Variants in RFTN1 observed in about 807,000 individuals in gnomAD.
RFTN1 encodes the protein raftlin.
RFTN1 carries 26 observed loss-of-function variants against 46.5 expected under a neutral mutation model. That is an observed-to-expected ratio of 0.56 (90% confidence interval 0.41 to 0.78). The LOEUF (loss-of-function observed/expected upper bound fraction) is 0.78. Among genes scored for constraint, RFTN1 ranks in the 30% least tolerant of loss-of-function variants. RFTN1 has a pLI of 0.00. For missense variants in RFTN1, 693 were observed against 718.7 expected (o/e 0.96, Z 0.41); for synonymous variants, 261 against 284.2 (o/e 0.92, Z 0.82).
chr3:16,389,588 T>G (rs2074299032), intron 4 of RFTN1, among the ~76,000 whole-genome samples: 1 of 152,216 alleles, frequency 6.6e-6, no homozygotes, highest in South Asian at 2.1e-4. Context: ...TTATATTCAA[T>G]ACTGAATTTA....
intron 4 of RFTN1, among the ~76,000 whole-genome samples, chr3:16,409,145 G>A (rs984400986): frequency 6.6e-6 from 1 of 152,234 alleles, no homozygotes; most frequent in African/African-American, 2.4e-5. Context: ...CACTCCAGCT[G>A]GAAAAGACAG....
chr3:16,408,103 T>C (rs2074902682), intron 4 of RFTN1, among the ~76,000 whole-genome samples: 1 of 152,236 alleles, frequency 6.6e-6, no homozygotes, highest in African/African-American at 2.4e-5. Context: ...CTCTGGCCCC[T>C]TCTCCCGACC....
intron 7 of RFTN1, among the ~76,000 whole-genome samples, chr3:16,343,371 AAC>A (rs2071434953): frequency 2.0e-5 from 3 of 152,280 alleles, no homozygotes; most frequent in Admixed American, 2.0e-4. Flanking sequence ...AATCAACAAA[AAC>A]AGTCTACTTC....
chr3:16,379,730 A>C (rs143157998), intron 4 of RFTN1, among the ~76,000 whole-genome samples: 53 of 152,346 alleles, frequency 3.5e-4, no homozygotes, highest in Middle Eastern at 3.4e-3. Context: ...AAAATCTTAA[A>C]GCCATCTATT....
At chr3:16,386,752 G>C (rs1326946926) in intron 4 of RFTN1, among the ~76,000 whole-genome samples, 1 of 149,714 alleles carries the variant, frequency 6.7e-6, no homozygotes, top group East Asian at 2.0e-4. Flanking sequence ...GGTATGGATC[G>C]AGGTGGGGGT....
At chr3:16,455,867 A>G (rs1175725597) in intron 2 of RFTN1, among the ~76,000 whole-genome samples, 1 of 152,244 alleles carries the variant, frequency 6.6e-6, no homozygotes, top group Non-Finnish European at 1.5e-5. Flanking sequence ...CTGTGAGAAC[A>G]TGATGCCAAG....
In RFTN1 at chr3:16,448,595, A is replaced by G. The variant is rs1348350347; in HGVS notation, c.146-14558T>C. On this transcript the variant is annotated intron_variant, in intron 2 of 9. Coordinates refer to ENST00000334133, the MANE Select transcript of RFTN1 (RefSeq NM_015150.2). The surrounding 1 kb of genome is among the most constrained non-coding windows in gnomAD (Gnocchi z 4.1). ...AACTGTCGCTATTCCAAATTGGAGG[A>G]AAAAAAGTACAACTTTTTACTGCCT... 1.3e-5 allele frequency among the ~76,000 whole-genome samples: 2 copies of G among 152,188 alleles called. No homozygotes were observed. The highest frequency in any genetic ancestry group is 4.8e-5 in the African/African-American group (2 of 41,432).
chr3:16,478,576 G>A (rs1266298570), intron 2 of RFTN1, among the ~76,000 whole-genome samples: 1 of 152,172 alleles, frequency 6.6e-6, no homozygotes, highest in Non-Finnish European at 1.5e-5. Context: ...TTTTCTCACA[G>A]TTTCTGTGAG....
chr3:16,461,985 A>G (rs2076014967), intron 2 of RFTN1, among the ~76,000 whole-genome samples: 1 of 152,246 alleles, frequency 6.6e-6, no homozygotes, highest in Non-Finnish European at 1.5e-5. Flanking sequence ...AGAGCTAGGA[A>G]GTACCATCCA....
intron 2 of RFTN1, among the ~76,000 whole-genome samples, chr3:16,444,955 T>C (rs760749341): frequency 2.0e-5 from 3 of 152,244 alleles, no homozygotes; most frequent in Non-Finnish European, 2.9e-5. Flanking sequence ...AGAAATGTTT[T>C]GGTCTTTATC....
intron 2 of RFTN1, among the ~76,000 whole-genome samples, chr3:16,454,394 A>T (rs2075870129): frequency 6.6e-6 from 1 of 152,130 alleles, no homozygotes; most frequent in Non-Finnish European, 1.5e-5. Flanking sequence ...TACATTAGGA[A>T]TGCAGGTCCC....
At chr3:16,405,623 A>G (rs1254121298) in intron 4 of RFTN1, among the ~76,000 whole-genome samples, 2 of 152,178 alleles carry the variant, frequency 1.3e-5, no homozygotes, top group African/African-American at 4.8e-5. Flanking sequence ...ACTTTTCCTA[A>G]TTGTGAGAAA....
rs540960710 is a variant in RFTN1, at chr3:16,449,051, T to G, written c.146-15014A>C. The stretch of plus-strand genomic sequence containing the variant: ...ATCCGTGTGGTATTAATGTTTCAAC[T>G]TAACATAGTTTTCCCCTTCCTGTAC... On this transcript the variant is annotated intron_variant, in intron 2 of 9. Transcript: ENST00000334133. The surrounding 1 kb of genome is among the most constrained non-coding windows in gnomAD (Gnocchi z 5.1). Among the ~76,000 whole-genome samples the G allele has an allele frequency of 9.5e-4, 145 of 152,364 alleles. No individual in the cohort carries two copies. Among genetic ancestry groups the G allele is most frequent in the Non-Finnish European group, 1.7e-3 (115 of 68,036 alleles).
intron 6 of RFTN1, among the ~76,000 whole-genome samples, chr3:16,358,427 A>AG (rs1161108311): frequency 2.8e-5 from 3 of 108,896 alleles, no homozygotes; most frequent in East Asian, 6.3e-4. Context: ...TATTTAGGTG[A>AG]GGGTTTTTTT....
intron 6 of RFTN1, among the ~76,000 whole-genome samples, chr3:16,363,542 G>C (rs796633243): frequency 3.3e-5 from 5 of 152,374 alleles, no homozygotes; most frequent in African/African-American, 9.6e-5. Flanking sequence ...GGTAAATTCT[G>C]TGAGGCAACC....
In RFTN1 at chr3:16,474,438, T is replaced by G. The variant is rs1161828697; in HGVS notation, c.145+19287A>C. ...CTGCTGATTAATTAGTGAATGCTGC[T>G]GCTATTTGCCCTCCTCCCCCAAGAT... is the stretch of plus-strand genomic sequence containing the variant. On this transcript the variant is annotated intron_variant, in intron 2 of 9. Transcript: ENST00000334133. The surrounding 1 kb of genome is among the most constrained non-coding windows in gnomAD (Gnocchi z 5.5). Among the ~76,000 whole-genome samples, 1 of 152,200 alleles carries G rather than the reference T, an allele frequency of 6.6e-6. No individual in the cohort carries two copies. The highest frequency in any genetic ancestry group is 1.5e-5 in the Non-Finnish European group (1 of 68,030).
rs1473151152 is a variant in RFTN1, at chr3:16,384,817, C to A, written c.442-6715G>T. ...TTAGTCACATGAGTCACATTTCAAG[C>A]ACCCACCAGCCACTTGTGGCTAGTG... On this transcript the variant is annotated intron_variant, in intron 4 of 9. Transcript: ENST00000334133. The surrounding 1 kb of genome is among the most constrained non-coding windows in gnomAD (Gnocchi z 4.7). Among the ~76,000 whole-genome samples the A allele has an allele frequency of 6.6e-6, 1 of 152,158 alleles. No homozygotes were observed. Among genetic ancestry groups the A allele is most frequent in the African/African-American group, 2.4e-5 (1 of 41,432 alleles).
chr3:16,394,774 G>A (rs754747364), intron 4 of RFTN1, among the ~76,000 whole-genome samples: 34 of 152,126 alleles, frequency 2.2e-4, no homozygotes, highest in Non-Finnish European at 3.7e-4. Flanking sequence ...TTTCCATTAT[G>A]GAGATTTCTT....
At chr3:16,405,054 C>T (rs753191009) in intron 4 of RFTN1, among the ~76,000 whole-genome samples, 9 of 152,228 alleles carry the variant, frequency 5.9e-5, no homozygotes, top group Non-Finnish European at 1.0e-4. Context: ...TTCCCATAGA[C>T]GCTCTCATGA....
Sources: gnomAD v4.1 joint callset for allele counts (sites outside exome capture counted in the v4.1 genomes callset) on GRCh38, gnomAD v4.1.1 for gene constraint, Gnocchi (gnomAD v3.1) non-coding constraint, MANE v1.5 for transcripts, NCBI Gene and HGNC (gene_info 2026-07-23, HGNC 2026-07-21) for gene names.